ACSL5: variants seen among roughly 807,000 people sequenced by gnomAD.
The protein encoded by ACSL5 is long-chain-fatty-acid--CoA ligase 5.
A neutral mutation model predicts 84.9 loss-of-function variants in ACSL5; 50 were observed. The ratio of observed to expected loss-of-function variants is 0.59; its 90% CI spans 0.47 to 0.75. ACSL5 has a LOEUF of 0.75. Ranked by LOEUF, ACSL5 falls within the 30% of genes least tolerant of loss-of-function variation. The probability of loss-of-function intolerance (pLI) is 0.00; values close to 1 mark genes in which losing one functional copy is unlikely to be tolerated. For synonymous variants in ACSL5, 280 were observed against 300.7 expected, an observed-to-expected ratio of 0.93 and a Z score of 0.71; for missense variants, 775 against 830.4, an observed-to-expected ratio of 0.93 and a Z score of 0.82.
intron 14 of ACSL5, among the ~76,000 whole-genome samples, chr10:112,418,258 C>A (rs1205291485): frequency 6.6e-6 from 1 of 152,126 alleles, no homozygotes; most frequent in East Asian, 1.9e-4. Context: ...GATTGCCTAC[C>A]CCCATGGCAG....
chr10:112,409,336 T>C lies in ACSL5; in HGVS notation c.533-171T>C, dbSNP rs1844121812. The C allele has an allele frequency of 2.7e-5, 16 of 594,132 alleles. No individual in the cohort carries two copies. In the South Asian group the frequency reaches 3.1e-4, roughly 11 times the overall value. 36.8% of individuals were successfully genotyped at this position (594,132 alleles called of 1,614,324 possible). A position where few individuals can be genotyped will look rare whatever the true frequency, so the allele number is the denominator to read the frequency against. On this transcript the variant is annotated intron_variant, in intron 6 of 20. Coordinates refer to ENST00000354655, the MANE Select transcript of ACSL5 (RefSeq NM_203379.2). ...TGTGCTTCTGTTTCAGTTAAGTTCATTTATCATCAATGGAATGTTTCAGGT... is the reference window on the plus strand; with the variant it reads ...TGTGCTTCTGTTTCAGTTAAGTTCACTTATCATCAATGGAATGTTTCAGGT...
chr10:112,401,883 CTTCT>C (rs1342988023), intron 3 of ACSL5, among the ~76,000 whole-genome samples: 48 of 107,926 alleles, frequency 4.4e-4, no homozygotes, highest in South Asian at 1.4e-3. Flanking sequence ...TCTTTCTTTC[CTTCT>C]TTCTTTCTTT....
intron 3 of ACSL5, among the ~76,000 whole-genome samples, chr10:112,404,128 AT>A (rs2133613847): frequency 6.6e-6 from 1 of 152,308 alleles, no homozygotes; most frequent in South Asian, 2.1e-4. Flanking sequence ...CATAGTTTTT[AT>A]TGTAGGGAAG....
chr10:112,419,102 CTGTGTGTGTGTG>C (rs57261585), intron 14 of ACSL5, among the ~76,000 whole-genome samples: 6 of 146,414 alleles, frequency 4.1e-5, no homozygotes, highest in African/African-American at 1.3e-4. Context: ...CACAATGTAT[CTGTGTGTGTGTG>C]TGTGTGTGTG....
In ACSL5 at chr10:112,417,201, T is replaced by TAA. The variant is rs377732977; in HGVS notation, c.1218+194_1218+195dup. Among the ~76,000 whole-genome samples, 59 of 120,062 alleles carry TAA rather than the reference T, an allele frequency of 4.9e-4. 1 individual carries two copies. The highest frequency in any genetic ancestry group is 3.9e-4 in the Admixed American group (4 of 10,352). The allele number at this position is 120,062 out of a possible 152,430, so 78.8% of individuals were successfully genotyped here. On this transcript the variant is annotated intron_variant, in intron 13 of 20. Transcript: ENST00000354655. The stretch of plus-strand genomic sequence containing the variant: ...ACTTTACTACTAAAGGGAGTAGGTT[T>TAA]AAAAAAAAAAAAAAAAGCAGGCTGA...
intron 1 of ACSL5, among the ~76,000 whole-genome samples, chr10:112,386,230 G>C (rs1849450584): frequency 8.7e-6 from 1 of 115,446 alleles, no homozygotes; most frequent in African/African-American, 3.4e-5. Context: ...GTCTGGCTCT[G>C]TTGCCCATGC....
rs1183347912 is a variant in ACSL5, at chr10:112,425,484, A to G, written c.1737+3A>G. ...TTGTACACGGGGAGAGCTTACGGGT[A>G]ATATATCATTTTAACAATAGCCCAT... On this transcript the variant is annotated splice_donor_region_variant and intron_variant, in intron 18 of 20. Transcript: ENST00000354655. 1.9e-6 allele frequency: 3 copies of G among 1,599,324 alleles called. No individual in the cohort carries two copies. In the African/African-American group the frequency reaches 4.1e-5, roughly 22 times the overall value.
chr10:112,391,065 T>C (rs1849551944), intron 1 of ACSL5, among the ~76,000 whole-genome samples: 1 of 152,190 alleles, frequency 6.6e-6, no homozygotes, highest in African/African-American at 2.4e-5. Context: ...ATTATGTAAA[T>C]TGTATCTCAA....
chr10:112,383,261 C>T (rs770209668), intron 1 of ACSL5, among the ~76,000 whole-genome samples: 3 of 152,188 alleles, frequency 2.0e-5, no homozygotes, highest in Admixed American at 6.5e-5. Flanking sequence ...GCTGCGATAG[C>T]GCCACTGCAT....
Position 112,406,458 on chromosome 10 carries a change from A to T in ACSL5, c.432+1652A>T, listed in dbSNP as rs181770880. On this transcript the variant is annotated intron_variant, in intron 5 of 20. Coordinates refer to ENST00000354655, the MANE Select transcript of ACSL5 (RefSeq NM_203379.2). ...TGTCACATTGGGGATTAGGGTTTCAACATGAATTTGGGTTGGGCCGGAGGA... is the reference window on the plus strand; with the variant it reads ...TGTCACATTGGGGATTAGGGTTTCATCATGAATTTGGGTTGGGCCGGAGGA... 3 of 152,330 alleles carry T rather than the reference A, an allele frequency of 2.0e-5. No homozygotes were observed. In the East Asian group the frequency reaches 5.8e-4, roughly 29 times the overall value. 9.4% of individuals were successfully genotyped at this position (152,330 alleles called of 1,614,324 possible). A position where few individuals can be genotyped will look rare whatever the true frequency, so the allele number is the denominator to read the frequency against.
chr10:112,420,424 AC>A (rs1844429106), intron 14 of ACSL5, among the ~76,000 whole-genome samples: 1 of 152,196 alleles, frequency 6.6e-6, no homozygotes, highest in Non-Finnish European at 1.5e-5. Context: ...TTATATATGG[AC>A]TGTGGCTGCT....
At chr10:112,401,839 TCTTCCTTC>T (rs59769866) in intron 3 of ACSL5, among the ~76,000 whole-genome samples, 13,407 of 91,554 alleles carry the variant, frequency 0.15, 857 homozygotes, top group Admixed American at 0.22. Context: ...TTTCTTTCTT[TCTTCCTTC>T]CTTCCTTCCT....
intron 13 of ACSL5, among the ~76,000 whole-genome samples, chr10:112,417,418 G>A (rs754738520): frequency 2.0e-5 from 3 of 151,352 alleles, no homozygotes; most frequent in Non-Finnish European, 4.4e-5. Context: ...CAGGATAATC[G>A]CTTGAACCCA....
intron 1 of ACSL5, among the ~76,000 whole-genome samples, chr10:112,374,631 T>G (rs1849205055): frequency 6.6e-6 from 1 of 152,196 alleles, no homozygotes; most frequent in Non-Finnish European, 1.5e-5. Context: ...CGTCAGCTGC[T>G]GAGGGCAGAG....
At chr10:112,421,806 C>A in intron 15 of ACSL5, 141 bp downstream of exon 15, 2 of 1,272,542 alleles carry the variant, frequency 1.6e-6, no homozygotes, top group Non-Finnish European at 2.3e-6. Context: ...TCCAGGCCTG[C>A]CTATCTTGGC....
At chr10:112,376,260 G>A in intron 1 of ACSL5, 1 of 1,612,834 alleles carries the variant, frequency 6.2e-7, no homozygotes, top group Non-Finnish European at 8.5e-7. Flanking sequence ...ACTCGGGACA[G>A]CTCAGAGCAG....
chr10:112,413,330 AC>A (rs756728995), intron 12 of ACSL5, 23 bp downstream of exon 12: 191 of 1,613,482 alleles, frequency 1.2e-4, no homozygotes, highest in Admixed American at 7.3e-4. Flanking sequence ...AGCTGAAGGG[AC>A]TGTCTGTGAC....
intron 20 of ACSL5, 128 bp downstream of exon 20, chr10:112,426,987 A>G: frequency 1.0e-6 from 1 of 961,860 alleles, no homozygotes; most frequent in Non-Finnish European, 1.6e-6. Context: ...TAACTACAAA[A>G]TGACCTTTTG....
rs1416191440 is a variant in ACSL5, at chr10:112,417,940, A to C, written c.1313A>C (p.Gln438Pro). 1 of 1,601,860 alleles carries C rather than the reference A, an allele frequency of 6.2e-7. No individual in the cohort carries two copies. The highest frequency in any genetic ancestry group is 1.3e-5 in the African/African-American group (1 of 74,272). ...TTCTTCCGGGCAGCAATGGGATGTC[A>C]GGTAAGCCAAGCACCTTCTTTGAGA... ...MTFFRAAMGC[Q>P]VYEAYGQTEC... Residue 438 changes from glutamine to proline, a missense_variant and splice_region_variant, in exon 14 of 21, where the codon CAG (glutamine) becomes CCG (proline). Coordinates refer to ENST00000354655, the MANE Select transcript of ACSL5 (RefSeq NM_203379.2).
Sources: allele counts gnomAD v4.1 joint callset (sites outside exome capture counted in the v4.1 genomes callset), GRCh38; gene constraint gnomAD v4.1.1; transcripts MANE v1.5; gene names NCBI Gene and HGNC (gene_info 2026-07-23, HGNC 2026-07-21).